SLC24A2: variants seen among roughly 807,000 people sequenced by gnomAD.
SLC24A2 encodes the protein sodium/potassium/calcium exchanger 2.
Under a neutral mutation model 62.0 loss-of-function variants are expected in SLC24A2, and 36 were observed. That is an observed-to-expected ratio of 0.58 (90% CI 0.44 to 0.77). The LOEUF (loss-of-function observed/expected upper bound fraction) is 0.77, where lower values mean the gene tolerates loss of function less well. Ranked by LOEUF, SLC24A2 falls within the 30% of genes least tolerant of loss-of-function variation. The pLI is 0.00. For synonymous variants in SLC24A2, 358 were observed against 294.0 expected, an observed-to-expected ratio of 1.22 and a Z score of -2.23; for missense variants, 846 against 817.9, an observed-to-expected ratio of 1.03 and a Z score of -0.42.
At chr9:19,853,690 G>A in the SLC24A2 span, among the ~76,000 whole-genome samples, 2 of 152,138 alleles carry the variant, frequency 1.3e-5, no homozygotes, top group Admixed American at 6.6e-5. Flanking sequence ...CTTTTTTTAT[G>A]TGCTGGTGGA....
chr9:19,595,054 G>A (rs1204462466), intron 5 of SLC24A2, among the ~76,000 whole-genome samples: 4 of 152,204 alleles, frequency 2.6e-5, no homozygotes, highest in African/African-American at 9.7e-5. Flanking sequence ...TCTTTCAGAG[G>A]TTCCTGTTCT....
At chr9:19,776,816 T>C (rs964590190) in intron 2 of SLC24A2, among the ~76,000 whole-genome samples, 1 of 152,182 alleles carries the variant, frequency 6.6e-6, no homozygotes, top group African/African-American at 2.4e-5. Context: ...GGTTAGAATA[T>C]TCCACGTTGT....
At chr9:20,064,055 C>A in the SLC24A2 span, among the ~76,000 whole-genome samples, 6 of 152,062 alleles carry the variant, frequency 3.9e-5, no homozygotes, top group African/African-American at 1.4e-4. Context: ...ATAATAGCCC[C>A]AAACTAGAAA....
At chr9:20,002,365 CTTT>C in the SLC24A2 span, among the ~76,000 whole-genome samples, 10 of 130,218 alleles carry the variant, frequency 7.7e-5, no homozygotes, top group African/African-American at 1.4e-4. Flanking sequence ...AGCTACAAAC[CTTT>C]TTTTTTTTTT....
the SLC24A2 span, among the ~76,000 whole-genome samples, chr9:20,193,361 G>T: frequency 6.6e-6 from 1 of 152,020 alleles, no homozygotes; most frequent in Non-Finnish European, 1.5e-5. Context: ...GTTTCCTGGG[G>T]TATTCTCCCA....
the SLC24A2 span, among the ~76,000 whole-genome samples, chr9:20,242,454 T>C: frequency 6.6e-6 from 1 of 152,228 alleles, no homozygotes; most frequent in African/African-American, 2.4e-5. Flanking sequence ...TCCAGTAATG[T>C]GCTTCATATG....
chr9:19,876,133 C>T, the SLC24A2 span, among the ~76,000 whole-genome samples: 1 of 152,086 alleles, frequency 6.6e-6, no homozygotes, highest in Non-Finnish European at 1.5e-5. Flanking sequence ...TATTATGCTT[C>T]TTGAATATTT....
chr9:19,619,610 A>T lies in SLC24A2; in HGVS notation c.1052T>A (p.Ile351Lys). Residue 351 changes from isoleucine to lysine, a missense_variant, in exon 4 of 11, where the codon ATA (isoleucine) becomes AAA (lysine). Coordinates refer to ENST00000341998, the MANE Select transcript of SLC24A2 (RefSeq NM_020344.4). ...TTCGGCGAGTGGGTCAAGGGTGTGTATCATGAGTTGGAAGATGCTATTCCT... is the reference window on the plus strand; with the variant it reads ...TTCGGCGAGTGGGTCAAGGGTGTGTTTCATGAGTTGGAAGATGCTATTCCT... ...LMRNSIFQLM[I>K]HTLDPLAEEL... 6.2e-7 allele frequency: 1 copy of T among 1,613,946 alleles called. No homozygotes were observed. Among genetic ancestry groups the T allele is most frequent in the Admixed American group, 1.7e-5 (1 of 60,026 alleles).
the SLC24A2 span, among the ~76,000 whole-genome samples, chr9:20,211,684 A>G: frequency 2.0e-5 from 3 of 152,198 alleles, no homozygotes; most frequent in African/African-American, 7.2e-5. Context: ...GTGTAAAATA[A>G]TAATTTTAGC....
At chr9:20,240,394 T>C in the SLC24A2 span, among the ~76,000 whole-genome samples, 47 of 152,128 alleles carry the variant, frequency 3.1e-4, no homozygotes, top group African/African-American at 1.0e-3. Context: ...GGAGGAAATA[T>C]ATAAATGAAC....
the SLC24A2 span, among the ~76,000 whole-genome samples, chr9:20,029,326 A>T: frequency 6.6e-6 from 1 of 152,164 alleles, no homozygotes; most frequent in South Asian, 2.1e-4. Context: ...TTAATTTCCA[A>T]CTTTCAGTAG....
chr9:19,822,746 A>C, the SLC24A2 span, among the ~76,000 whole-genome samples: 3 of 152,126 alleles, frequency 2.0e-5, no homozygotes, highest in East Asian at 5.8e-4. Context: ...TAAAAATAAG[A>C]CTATTGTTTA....
the SLC24A2 span, among the ~76,000 whole-genome samples, chr9:20,019,201 G>A: frequency 1.0e-4 from 12 of 116,198 alleles, no homozygotes; most frequent in South Asian, 3.1e-3. Flanking sequence ...AAAGAAAGAA[G>A]GAAAAGAAAG....
intron 8 of SLC24A2, among the ~76,000 whole-genome samples, chr9:19,530,988 G>A (rs539594804): frequency 3.4e-4 from 51 of 151,930 alleles, no homozygotes; most frequent in African/African-American, 1.0e-3. Flanking sequence ...AATATACCCC[G>A]CCATATACAT....
the SLC24A2 span, among the ~76,000 whole-genome samples, chr9:19,852,941 T>A: frequency 3.3e-5 from 5 of 152,180 alleles, no homozygotes; most frequent in African/African-American, 1.2e-4. Flanking sequence ...ATTCTTCCTA[T>A]CCATGAGCAT....
At chr9:20,268,524 T>C in the SLC24A2 span, among the ~76,000 whole-genome samples, 1 of 152,158 alleles carries the variant, frequency 6.6e-6, no homozygotes, top group Non-Finnish European at 1.5e-5. Context: ...AGATCTGAGC[T>C]AGCACACTCA....
At chr9:20,070,671 A>AT in the SLC24A2 span, among the ~76,000 whole-genome samples, 6 of 152,358 alleles carry the variant, frequency 3.9e-5, no homozygotes, top group Non-Finnish European at 8.8e-5. Flanking sequence ...ATTGTACTTT[A>AT]TGCAAGATCA....
At chr9:20,304,586 G>A in the SLC24A2 span, among the ~76,000 whole-genome samples, 1 of 152,160 alleles carries the variant, frequency 6.6e-6, no homozygotes, top group Non-Finnish European at 1.5e-5. Context: ...TAAAAATAAT[G>A]TAAAGCCTAC....
At chr9:19,634,469 G>A (rs536557156) in intron 2 of SLC24A2, among the ~76,000 whole-genome samples, 1 of 152,076 alleles carries the variant, frequency 6.6e-6, no homozygotes, top group Non-Finnish European at 1.5e-5. Context: ...TGTATTTTTA[G>A]TAGAGATGGG....
Sources: gnomAD v4.1 joint callset for allele counts (sites outside exome capture counted in the v4.1 genomes callset) on GRCh38, gnomAD v4.1.1 for gene constraint, MANE v1.5 for transcripts, NCBI Gene and HGNC (gene_info 2026-07-23, HGNC 2026-07-21) for gene names.